The following MOSPD2 variants were observed in gnomAD, a reference collection of about 807,000 sequenced individuals.
MOSPD2 encodes motile sperm domain-containing protein 2.
A neutral mutation model predicts 41.7 loss-of-function variants in MOSPD2; 5 were observed. The observed-to-expected ratio is 0.12, with a 90% confidence interval of 0.06 to 0.25. The LOEUF is 0.25. Among genes scored for constraint, MOSPD2 ranks in the 10% least tolerant of loss-of-function variants. MOSPD2 has a pLI of 1.00. For missense variants in MOSPD2, 282 were observed against 375.2 expected (o/e 0.75, Z 2.05); for synonymous variants, 115 against 126.9 (o/e 0.91, Z 0.63).
intron 5 of MOSPD2, among the ~76,000 whole-genome samples, chrX:14,898,134 A>G (rs2092566292): frequency 8.9e-6 from 1 of 112,105 alleles, no homozygotes; most frequent in African/African-American, 3.2e-5. Flanking sequence ...AGCATCATAC[A>G]TCAAAATATT....
At chrX:14,899,068 C>T (rs1201440922) in intron 5 of MOSPD2, among the ~76,000 whole-genome samples, 2 of 96,503 alleles carry the variant, frequency 2.1e-5, no homozygotes, top group Admixed American at 1.1e-4. Context: ...ATTCAGCGGC[C>T]ATCCTTCACA....
At chrX:14,917,300 A>G (rs2092602085) in intron 13 of MOSPD2, among the ~76,000 whole-genome samples, 1 of 112,279 alleles carries the variant, frequency 8.9e-6, no homozygotes, top group Non-Finnish European at 1.9e-5. Flanking sequence ...AGACCTTTCC[A>G]GACAGAACAA....
In MOSPD2 at chrX:14,892,789, G is replaced by A; in HGVS notation, c.146G>A (p.Ser49Asn). 1.7e-6 allele frequency: 2 copies of A among 1,202,034 alleles called. No individual in the cohort carries two copies. Among genetic ancestry groups the A allele is most frequent in the Non-Finnish European group, 2.3e-6 (2 of 886,693 alleles). ...RLQQDDNWVE[S>N]YLSWRHNIVD... ...CAACAAGATGATAACTGGGTTGAAA[G>A]TTACTTATCTTGGAGACATAATATT... Residue 49 changes from serine (S) to asparagine (N), a missense_variant, in exon 3 of 15, where the codon AGT becomes AAT. Around this residue, in one of 3 missense-constraint regions of MOSPD2, gnomAD observed 187 missense variants for 256.6 expected, o/e 0.73. Coordinates refer to ENST00000380492, the MANE Select transcript of MOSPD2 (RefSeq NM_152581.4).
At chrX:14,918,113 T>G (rs1328950233) in intron 13 of MOSPD2, among the ~76,000 whole-genome samples, 2 of 112,221 alleles carry the variant, frequency 1.8e-5, no homozygotes, top group African/African-American at 3.2e-5. Flanking sequence ...ATGGGAATAT[T>G]TTGAAAGGGT....
At position 14,920,125 on chromosome X, in the gene MOSPD2, G is replaced by A. The variant is rs749359391; in HGVS notation, c.*316G>A. On this transcript the variant is annotated 3_prime_UTR_variant, in exon 15 of 15. Transcript: ENST00000380492. ...ATACTTTTAAAGCTTAAGTTTTATC[G>A]TGTAAATACATTAGCTAAACTGAAA... 6.9e-5 allele frequency: 51 copies of A among 736,517 alleles called. No individual in the cohort carries two copies. Among genetic ancestry groups the A allele is most frequent in the African/African-American group, 3.2e-4 (14 of 43,388 alleles). The allele number at this position is 736,517 out of a possible 1,213,427, so 60.7% of individuals were successfully genotyped here.
intron 2 of MOSPD2, among the ~76,000 whole-genome samples, chrX:14,887,626 A>G (rs1163655385): frequency 1.8e-5 from 2 of 112,176 alleles, no homozygotes; most frequent in Non-Finnish European, 3.8e-5. Context: ...AATGCAAGAG[A>G]AAAAAAGAAA....
intron 2 of MOSPD2, among the ~76,000 whole-genome samples, chrX:14,882,091 AAAAAG>A (rs1421353787): frequency 6.3e-5 from 7 of 110,946 alleles, no homozygotes; most frequent in Non-Finnish European, 1.1e-4. Flanking sequence ...CAGCATAATA[AAAAAG>A]AAAAGAAAGA....
At chrX:14,902,835 C>T (rs1247894682) in intron 6 of MOSPD2, 131 bp from the exon 7 acceptor site, 1 of 490,207 alleles carries the variant, frequency 2.0e-6, no homozygotes, top group Non-Finnish European at 3.6e-6. Context: ...ATACACTTCA[C>T]TGAATTAGAG....
chrX:14,904,787 A>G (rs1322171595), intron 7 of MOSPD2, among the ~76,000 whole-genome samples: 4 of 111,754 alleles, frequency 3.6e-5, no homozygotes, highest in African/African-American at 1.3e-4. Context: ...CCCAAGCCTC[A>G]GTGTTCAGAG....
At chrX:14,906,184 T>C (rs2147497579) in intron 7 of MOSPD2, among the ~76,000 whole-genome samples, 1 of 112,076 alleles carries the variant, frequency 8.9e-6, no homozygotes. Flanking sequence ...ATTTCAAAAT[T>C]TACTACAAAG....
chrX:14,893,101 C>A, intron 3 of MOSPD2: 1 of 280,382 alleles, frequency 3.6e-6, no homozygotes, highest in Non-Finnish European at 6.3e-6. Context: ...GAATCACACT[C>A]AGATTCTTCA....
chrX:14,912,260 C>T lies in MOSPD2; in HGVS notation c.891C>T (p.Thr297=), dbSNP rs141915581. Residue 297 remains threonine, a synonymous_variant, in exon 10 of 15, where the codon ACC becomes ACT. Transcript: ENST00000380492. ...QTPLLKKINP[T]ESTSKAEENE... ...TTTTTTGTCTTTAGATTAACCCAAC[C>T]GAATCTACTTCCAAAGCAGAAGAAA... The T allele has an allele frequency of 7.3e-4, 851 of 1,171,654 alleles. 3 individuals are homozygous for T. In the African/African-American group the frequency reaches 0.013, roughly 17 times the overall value.
chrX:14,908,547 G>C (rs911318039), intron 7 of MOSPD2, among the ~76,000 whole-genome samples: 29 of 111,465 alleles, frequency 2.6e-4, no homozygotes, highest in African/African-American at 9.1e-4. Context: ...GTTTGATTCA[G>C]TGTCTGGAAA....
chrX:14,895,687 T>C (rs992868622), intron 4 of MOSPD2, among the ~76,000 whole-genome samples: 4 of 112,318 alleles, frequency 3.6e-5, no homozygotes, highest in Non-Finnish European at 5.6e-5. Context: ...GACTGTGATA[T>C]TAAAACTCGT....
In MOSPD2 at chrX:14,887,552, A is replaced by T. The variant is rs1354216542; in HGVS notation, c.80-5171A>T. Among the ~76,000 whole-genome samples, 4 of 111,384 alleles carry T rather than the reference A, an allele frequency of 3.6e-5. No individual in the cohort carries two copies. The East Asian group carries it at 1.1e-3, about 31-fold the overall frequency. ...CTCTATATCCTGAATGTGGCCAGAA[A>T]TTTTCTCACATTGTTAGCCTTAAAA... On this transcript the variant is annotated intron_variant, in intron 2 of 14. Transcript: ENST00000380492.
intron 10 of MOSPD2, among the ~76,000 whole-genome samples, chrX:14,913,568 C>T: frequency 8.9e-6 from 1 of 111,846 alleles, no homozygotes; most frequent in East Asian, 2.8e-4. Context: ...AGAAAGCCAG[C>T]AACCATGCAA....
intron 3 of MOSPD2, among the ~76,000 whole-genome samples, chrX:14,895,093 T>C (rs975175166): frequency 4.5e-5 from 5 of 111,987 alleles, no homozygotes; most frequent in African/African-American, 1.6e-4. Flanking sequence ...TCAAGGGAAA[T>C]GGAGTTTGTC....
chrX:14,899,630 A>T (rs1412039700), intron 5 of MOSPD2, among the ~76,000 whole-genome samples: 1 of 106,915 alleles, frequency 9.4e-6, no homozygotes, highest in African/African-American at 3.4e-5. Context: ...ATATATACCC[A>T]TAACAAATAC....
Position 14,911,195 on chromosome X carries a change from AC to A in MOSPD2, c.703-39del, listed in dbSNP as rs2092591106. On this transcript the variant is annotated intron_variant, in intron 8 of 14. Transcript: ENST00000380492. ...AATCTACTAAGAGAGTTATTTCTCT[AC>A]CCACCATTTAGTAGGCTCATGTGAA... 1.1e-5 allele frequency: 12 copies of A among 1,091,668 alleles called. No homozygotes were observed. In the African/African-American group the frequency reaches 1.5e-4, roughly 14 times the overall value. The allele number at this position is 1,091,668 out of a possible 1,213,427, so 90.0% of individuals were successfully genotyped here. A position where few individuals can be genotyped will look rare whatever the true frequency, so the allele number is the denominator to read the frequency against.
Sources: allele counts gnomAD v4.1 joint callset (sites outside exome capture counted in the v4.1 genomes callset), GRCh38; gene constraint gnomAD v4.1.1; regional missense constraint gnomAD v4.1.1; transcripts MANE v1.5; gene names NCBI Gene and HGNC (gene_info 2026-07-23, HGNC 2026-07-21).